The following ADD1 variants were observed in gnomAD, a reference collection of about 807,000 sequenced individuals.
The protein encoded by ADD1 is alpha-adducin.
ADD1 carries 24 observed loss-of-function variants against 80.5 expected under a neutral mutation model. That is an observed-to-expected ratio of 0.30 (90% CI 0.22 to 0.42). ADD1 has a LOEUF of 0.42. Ranked by LOEUF, ADD1 falls within the 10% of genes least tolerant of loss-of-function variation. The pLI, the probability that ADD1 is intolerant of heterozygous loss-of-function variation, is 1.00. For synonymous variants in ADD1, 373 were observed against 393.8 expected, an observed-to-expected ratio of 0.95 and a Z score of 0.63; for missense variants, 948 against 1,019.0, an observed-to-expected ratio of 0.93 and a Z score of 0.95.
chr4:2,875,658 C>T (rs1171262229), intron 1 of ADD1, among the ~76,000 whole-genome samples: 1 of 152,102 alleles, frequency 6.6e-6, no homozygotes, highest in Admixed American at 6.5e-5. Context: ...GTCTTGTTCT[C>T]CTCTTTGGAA....
At chr4:2,890,215 A>T (rs148757541) in intron 4 of ADD1, among the ~76,000 whole-genome samples, 1 of 152,096 alleles carries the variant, frequency 6.6e-6, no homozygotes, top group Non-Finnish European at 1.5e-5. Flanking sequence ...AAAAGAAATA[A>T]TATCTGGAAT....
intron 1 of ADD1, among the ~76,000 whole-genome samples, chr4:2,875,093 G>A (rs1303452284): frequency 6.6e-6 from 1 of 152,082 alleles, no homozygotes; most frequent in Non-Finnish European, 1.5e-5. Context: ...GCCGGGCATG[G>A]CGGTGCACGC....
chr4:2,892,687 T>C (rs910247352), intron 4 of ADD1, among the ~76,000 whole-genome samples: 7 of 151,598 alleles, frequency 4.6e-5, no homozygotes, highest in African/African-American at 1.5e-4. Context: ...AATAAAAAAA[T>C]AGCCAGGCTT....
Position 2,885,907 on chromosome 4 carries a change from G to A in ADD1, c.510+1241G>A, listed in dbSNP as rs924406768. ...TTACAGGCGTGAGCCACCCTGCCCGGCCCCTTCCTGCCTTGTTAGATTCAC... is the reference window on the plus strand; with the variant it reads ...TTACAGGCGTGAGCCACCCTGCCCGACCCCTTCCTGCCTTGTTAGATTCAC... On this transcript the variant is annotated intron_variant, in intron 4 of 15. Transcript: ENST00000683351. 2.0e-5 allele frequency among the ~76,000 whole-genome samples: 3 copies of A among 152,172 alleles called. No homozygotes were observed. The South Asian group carries it at 6.2e-4, about 32-fold the overall frequency.
rs142283650 is a variant in ADD1 at position 2,904,789 on chromosome 4, G to A, written c.1187G>A (p.Arg396Gln). ...GGCTACAGAACTGGCTACCCTTATCGATACCCTGCTCTGAGAGAGAAGTCT... is the reference window on the plus strand; with the variant it reads ...GGCTACAGAACTGGCTACCCTTATCAATACCCTGCTCTGAGAGAGAAGTCT... ...NLGYRTGYPY[R>Q]YPALREKSKK... Residue 396 changes from arginine (R) to glutamine (Q), a missense_variant, in exon 10 of 16, where the codon CGA (arginine) becomes CAA (glutamine). By Grantham distance (43) the Arg-to-Gln change is conservative (BLOSUM62 1). Coordinates refer to ENST00000683351, the MANE Select transcript of ADD1 (RefSeq NM_001354761.2). The A allele has an allele frequency of 3.1e-6, 5 of 1,614,112 alleles. No homozygotes were observed. Among genetic ancestry groups the A allele is most frequent in the Admixed American group, 3.3e-5 (2 of 60,014 alleles).
At chr4:2,867,161 AGT>A (rs1577476946) in intron 1 of ADD1, among the ~76,000 whole-genome samples, 1 of 152,132 alleles carries the variant, frequency 6.6e-6, no homozygotes, top group African/African-American at 2.4e-5. Flanking sequence ...GGAATTAACG[AGT>A]GTGTGTGAGA....
chr4:2,927,680 T>C (rs1374862344), intron 15 of ADD1, among the ~76,000 whole-genome samples: 1 of 152,236 alleles, frequency 6.6e-6, no homozygotes, highest in Non-Finnish European at 1.5e-5. Context: ...CTTTGTTCTT[T>C]TGGATGTTGA....
At position 2,852,230 on chromosome 4, in the gene ADD1, C is replaced by CCTTTCTTTCCTTT. The variant is rs1310935816; in HGVS notation, c.-21+8215_-21+8216insCTTTCTTTCTTTC. ...TTCCTTTCCTTTCTTTCCTTTCTTT[C>CCTTTCTTTCCTTT]CTTTCTTTCTTTCTTTCTCTTTCTT... On this transcript the variant is annotated intron_variant, in intron 1 of 15. Transcript: ENST00000683351. Among the ~76,000 whole-genome samples, 514 of 120,302 alleles carry CCTTTCTTTCCTTT rather than the reference C, an allele frequency of 4.3e-3. 8 individuals carry two copies. Among genetic ancestry groups the CCTTTCTTTCCTTT allele is most frequent in the Middle Eastern group, 4.4e-3 (1 of 228 alleles). 78.9% of individuals were successfully genotyped at this position (120,302 alleles called of 152,430 possible). A position where few individuals can be genotyped will look rare whatever the true frequency, so the allele number is the denominator to read the frequency against.
At chr4:2,911,864 C>A (rs551131432) in intron 13 of ADD1, among the ~76,000 whole-genome samples, 4 of 152,336 alleles carry the variant, frequency 2.6e-5, no homozygotes, top group African/African-American at 9.6e-5. Flanking sequence ...CAGGGAAGGA[C>A]TCTTGTGTTC....
At chr4:2,901,310 G>T (rs1459343943) in intron 9 of ADD1, 4 of 152,210 alleles carry the variant, frequency 2.6e-5, no homozygotes, top group African/African-American at 7.2e-5. Context: ...GAGGAGAGAG[G>T]GGGGTCAGAA....
At chr4:2,891,245 G>A (rs1734253539) in intron 4 of ADD1, among the ~76,000 whole-genome samples, 1 of 152,100 alleles carries the variant, frequency 6.6e-6, no homozygotes, top group South Asian at 2.1e-4. Flanking sequence ...TTGAGGCCAG[G>A]AGTTTGAGAC....
Position 2,907,786 on chromosome 4 carries a change from C to T in ADD1, c.1550C>T (p.Pro517Leu). The change falls in exon 11 of 16, where the codon CCT (proline) becomes CTT (leucine). Residue 517 changes from proline to leucine, a missense_variant. Transcript: ENST00000683351. Reference sequence around the variant, plus strand: ...CATAGAACTTCCACCTCTGCTGTCCCTAACCTGTTTGTTCCATTGAACACT... The same window carrying T: ...CATAGAACTTCCACCTCTGCTGTCCTTAACCTGTTTGTTCCATTGAACACT... ...DGHRTSTSAVPNLFVPLNTNP... is the reference protein window; with the variant it reads ...DGHRTSTSAVLNLFVPLNTNP... The T allele has an allele frequency of 6.2e-7, 1 of 1,614,146 alleles. No individual in the cohort carries two copies. The highest frequency in any genetic ancestry group is 8.5e-7 in the Non-Finnish European group (1 of 1,180,030).
At chr4:2,872,832 T>A (rs1299666680) in intron 1 of ADD1, among the ~76,000 whole-genome samples, 2 of 152,160 alleles carry the variant, frequency 1.3e-5, no homozygotes, top group African/African-American at 4.8e-5. Flanking sequence ...AGTGCTGGGA[T>A]TACAGGCATG....
intron 13 of ADD1, among the ~76,000 whole-genome samples, chr4:2,914,548 C>T (rs567734467): frequency 2.2e-4 from 34 of 152,334 alleles, no homozygotes; most frequent in Non-Finnish European, 4.3e-4. Flanking sequence ...AGGAAAGGGC[C>T]TCTTCCCCTT....
At chr4:2,875,642 A>G (rs1192264076) in intron 1 of ADD1, among the ~76,000 whole-genome samples, 1 of 152,130 alleles carries the variant, frequency 6.6e-6, no homozygotes, top group Non-Finnish European at 1.5e-5. Flanking sequence ...GCTTTGTTAG[A>G]TTGTTGTCTT....
chr4:2,875,762 G>T, intron 1 of ADD1, 134 bp from the exon 2 acceptor site: 1 of 691,976 alleles, frequency 1.4e-6, no homozygotes. Context: ...AGCCTCACAG[G>T]TCATGGTTTC....
intron 13 of ADD1, among the ~76,000 whole-genome samples, chr4:2,914,113 CT>C (rs1403489155): frequency 6.6e-6 from 1 of 152,012 alleles, no homozygotes; most frequent in African/African-American, 2.4e-5. Context: ...TTTCCTGCCC[CT>C]GACCCAATCA....
chr4:2,844,779 G>A (rs377635752), intron 1 of ADD1: 1 of 152,214 alleles, frequency 6.6e-6, no homozygotes, highest in Non-Finnish European at 1.5e-5. Flanking sequence ...AAGACAAAAA[G>A]CAATTGTCAT....
chr4:2,888,590 G>T (rs1733787360), intron 4 of ADD1, among the ~76,000 whole-genome samples: 2 of 150,870 alleles, frequency 1.3e-5, no homozygotes, highest in African/African-American at 4.9e-5. Context: ...TAATTTTTTT[G>T]TATTTTTACT....
Sources: allele counts gnomAD v4.1 joint callset (sites outside exome capture counted in the v4.1 genomes callset), GRCh38; gene constraint gnomAD v4.1.1; transcripts MANE v1.5; gene names NCBI Gene and HGNC (gene_info 2026-07-23, HGNC 2026-07-21).